GRIA3: variants seen among roughly 807,000 people sequenced by gnomAD.
The protein encoded by GRIA3 is glutamate ionotropic receptor AMPA type subunit 3, also known as glutamate receptor 3.
GRIA3 carries 3 observed loss-of-function variants against 63.0 expected under a neutral mutation model. The ratio of observed to expected loss-of-function variants is 0.05; its 90% CI spans 0.02 to 0.12. The LOEUF (loss-of-function observed/expected upper bound fraction) is 0.12, where lower values mean the gene tolerates loss of function less well. GRIA3 is among the 10% of genes least tolerant of loss of function. The probability of loss-of-function intolerance (pLI) is 1.00; values close to 1 mark genes in which losing one functional copy is unlikely to be tolerated. For missense variants in GRIA3, 347 were observed against 700.9 expected (o/e 0.50, Z 5.70); for synonymous variants, 274 against 257.9 (o/e 1.06, Z -0.60).
chrX:123,451,963 GTTAAC>G (rs1430074266), intron 12 of GRIA3, among the ~76,000 whole-genome samples: 10 of 111,940 alleles, frequency 8.9e-5, no homozygotes, highest in African/African-American at 3.2e-4. Flanking sequence ...ATAAGTATTA[GTTAAC>G]TTCTCAGTAA....
At chrX:123,383,120 G>C (rs1309962181) in intron 5 of GRIA3, among the ~76,000 whole-genome samples, 1 of 112,097 alleles carries the variant, frequency 8.9e-6, no homozygotes, top group Admixed American at 9.5e-5. Flanking sequence ...GTTAGGCATG[G>C]TAAATGAATT....
intron 3 of GRIA3, among the ~76,000 whole-genome samples, chrX:123,254,113 G>A: frequency 9.0e-6 from 1 of 111,381 alleles, no homozygotes; most frequent in South Asian, 3.8e-4. Context: ...AGCTAAACTG[G>A]GCTTTGGGGA....
intron 3 of GRIA3, among the ~76,000 whole-genome samples, chrX:123,261,779 C>T (rs886718348): frequency 9.0e-6 from 1 of 111,565 alleles, no homozygotes; most frequent in African/African-American, 3.3e-5. Flanking sequence ...AAAAATTCTG[C>T]TTCCTGAGCT....
At chrX:123,287,842 A>C (rs1267903461) in intron 3 of GRIA3, among the ~76,000 whole-genome samples, 1 of 112,095 alleles carries the variant, frequency 8.9e-6, no homozygotes, top group Non-Finnish European at 1.9e-5. Flanking sequence ...CATATTGCCC[A>C]AAGTAATTTA....
At chrX:123,288,642 C>T (rs1363352248) in intron 3 of GRIA3, among the ~76,000 whole-genome samples, 7 of 110,761 alleles carry the variant, frequency 6.3e-5, no homozygotes, top group East Asian at 2.8e-4. Context: ...AAGACATTTA[C>T]GTGGCCAACA....
chrX:123,425,130 T>C (rs12836469), intron 11 of GRIA3, among the ~76,000 whole-genome samples: 30,275 of 110,930 alleles, frequency 0.27, 3,285 homozygotes, highest in South Asian at 0.44. Context: ...CATGCCACTA[T>C]ATTTCTCAGT....
At chrX:123,429,488 A>G (rs940466810) in intron 12 of GRIA3, among the ~76,000 whole-genome samples, 1 of 111,777 alleles carries the variant, frequency 8.9e-6, no homozygotes, top group Non-Finnish European at 1.9e-5. Flanking sequence ...GACCCTCTGG[A>G]ACTAATCTGG....
chrX:123,188,484 A>G (rs867686387), intron 2 of GRIA3, among the ~76,000 whole-genome samples: 12 of 110,996 alleles, frequency 1.1e-4, no homozygotes, highest in Non-Finnish European at 2.3e-4. Flanking sequence ...ATTCTAGTTC[A>G]GTGCTGGAGC....
chrX:123,449,937 C>G (rs1402923949), intron 12 of GRIA3, among the ~76,000 whole-genome samples: 1 of 111,849 alleles, frequency 8.9e-6, no homozygotes, highest in Admixed American at 9.5e-5. Context: ...TATCTTGATT[C>G]TTCTTCCTCT....
At chrX:123,359,862 T>C (rs1448782869) in intron 5 of GRIA3, among the ~76,000 whole-genome samples, 1 of 112,205 alleles carries the variant, frequency 8.9e-6, no homozygotes, top group African/African-American at 3.2e-5. Context: ...CTGCCTAGGT[T>C]GATACTGGTA....
At chrX:123,412,409 A>G (rs1235094017) in intron 10 of GRIA3, among the ~76,000 whole-genome samples, 1 of 112,059 alleles carries the variant, frequency 8.9e-6, no homozygotes, top group Non-Finnish European at 1.9e-5. Context: ...ATATAAGTAA[A>G]TTGCATATCA....
intron 2 of GRIA3, among the ~76,000 whole-genome samples, chrX:123,206,433 T>C (rs1927889225): frequency 8.9e-6 from 1 of 112,281 alleles, no homozygotes; most frequent in Non-Finnish European, 1.9e-5. Flanking sequence ...GCTCGGCAGA[T>C]GGCTCACTGG....
chrX:123,243,602 G>A (rs759383103), intron 2 of GRIA3, among the ~76,000 whole-genome samples: 1 of 112,188 alleles, frequency 8.9e-6, no homozygotes, highest in African/African-American at 3.2e-5. Flanking sequence ...ACCTTATCAT[G>A]AAGTCACAGC....
intron 12 of GRIA3, among the ~76,000 whole-genome samples, chrX:123,444,002 A>G (rs923256641): frequency 9.0e-6 from 1 of 111,249 alleles, no homozygotes; most frequent in African/African-American, 3.3e-5. Context: ...ACCCTTCACA[A>G]AGGAAAGTTC....
At chrX:123,322,488 CA>C (rs2044874742) in intron 3 of GRIA3, among the ~76,000 whole-genome samples, 1 of 111,525 alleles carries the variant, frequency 9.0e-6, no homozygotes, top group Non-Finnish European at 1.9e-5. Context: ...TTTACAAAGC[CA>C]AGGGTTTGTT....
At chrX:123,215,071 C>T (rs926850481) in intron 2 of GRIA3, among the ~76,000 whole-genome samples, 2 of 112,141 alleles carry the variant, frequency 1.8e-5, no homozygotes, top group African/African-American at 6.5e-5. Flanking sequence ...ATGGAAACTA[C>T]CAAGTGACTA....
At chrX:123,286,846 C>A (rs1256879483) in intron 3 of GRIA3, among the ~76,000 whole-genome samples, 1 of 111,908 alleles carries the variant, frequency 8.9e-6, no homozygotes, top group Non-Finnish European at 1.9e-5. Context: ...CAAAGAGGAG[C>A]TGGTACCATT....
chrX:123,471,990 C>CATATATATATATATATATAT (rs760824587), intron 13 of GRIA3, among the ~76,000 whole-genome samples: 285 of 13,389 alleles, frequency 0.021, 66 homozygotes, highest in Non-Finnish European at 0.026. Context: ...CAATGGCATT[C>CATATATATATATATATATAT]ATATATATAT....
chrX:123,294,812 C>T (rs757897282), intron 3 of GRIA3, among the ~76,000 whole-genome samples: 63 of 111,647 alleles, frequency 5.6e-4, no homozygotes, highest in Non-Finnish European at 1.0e-3. Context: ...AAGCTTGCAT[C>T]CTTAATGGCT....
Sources: allele counts gnomAD v4.1 joint callset (sites outside exome capture counted in the v4.1 genomes callset), GRCh38; gene constraint gnomAD v4.1.1; transcripts MANE v1.5; gene names NCBI Gene and HGNC (gene_info 2026-07-23, HGNC 2026-07-21).